The following WWC2 variants were observed in gnomAD, a reference collection of about 807,000 sequenced individuals.
WWC2 encodes the protein protein WWC2.
WWC2 carries 101 observed loss-of-function variants against 138.5 expected under a neutral mutation model. The observed-to-expected ratio is 0.73, with a 90% CI of 0.62 to 0.86. WWC2 has a LOEUF of 0.86. WWC2 is among the 40% of genes least tolerant of loss of function. The probability of loss-of-function intolerance (pLI) is 0.00; values close to 1 mark genes in which losing one functional copy is unlikely to be tolerated. For missense variants in WWC2, 1,420 were observed against 1,419.4 expected (o/e 1.00, Z -0.01); for synonymous variants, 558 against 538.4 (o/e 1.04, Z -0.50).
rs1191216222 is a variant in WWC2 at position 183,248,763 on chromosome 4, G to A, written c.782G>A (p.Arg261Lys). ...TTTCATTTGGATCAGAACATTGGCA[G>A]ATCTGAGCCAGATTTGAGATGTAGT... The part of the protein sequence containing the change: ...ERFHLDQNIG[R>K]SEPDLRCSPV... The change falls in exon 7 of 23, where the codon AGA becomes AAA. Residue 261 changes from arginine (R) to lysine (K), a missense_variant. Transcript: ENST00000403733. 6.2e-7 allele frequency: 1 copy of A among 1,604,336 alleles called. No homozygotes were observed. The highest frequency in any genetic ancestry group is 8.5e-7 in the Non-Finnish European group (1 of 1,175,072).
chr4:183,117,307 G>A (rs1187675998), intron 1 of WWC2, among the ~76,000 whole-genome samples: 1 of 139,788 alleles, frequency 7.2e-6, no homozygotes. Flanking sequence ...TGCAACCTCT[G>A]CCTCCTGGGT....
chr4:183,292,893 A>G (rs748388982), intron 21 of WWC2, among the ~76,000 whole-genome samples: 18 of 152,246 alleles, frequency 1.2e-4, no homozygotes, highest in Admixed American at 7.8e-4. Context: ...ACAGAATCCA[A>G]CACTGTATTA....
chr4:183,137,363 T>C (rs1209602740), intron 1 of WWC2, among the ~76,000 whole-genome samples: 1 of 152,156 alleles, frequency 6.6e-6, no homozygotes, highest in East Asian at 1.9e-4. Flanking sequence ...TAAGCTTTTT[T>C]GTTTTAAAAT....
chr4:183,179,782 T>C (rs545805558), intron 1 of WWC2, among the ~76,000 whole-genome samples: 10 of 152,204 alleles, frequency 6.6e-5, no homozygotes, highest in African/African-American at 2.4e-4. Context: ...CTCTGATAAA[T>C]CTGGACCTCT....
chr4:183,180,501 A>AT (rs1275436569), intron 1 of WWC2, among the ~76,000 whole-genome samples: 3 of 151,478 alleles, frequency 2.0e-5, no homozygotes, highest in African/African-American at 7.3e-5. Context: ...TATTTTATTT[A>AT]TTTTTTGCCT....
At chr4:183,223,460 C>G (rs6855204) in intron 4 of WWC2, among the ~76,000 whole-genome samples, 11,453 of 152,238 alleles carry the variant, frequency 0.075, 1,456 homozygotes, top group African/African-American at 0.26. Flanking sequence ...GAATTATTTT[C>G]ATGACAACTT....
chr4:183,285,632 C>T (rs184785734), intron 19 of WWC2, among the ~76,000 whole-genome samples: 104 of 152,022 alleles, frequency 6.8e-4, no homozygotes, highest in African/African-American at 2.5e-3. Flanking sequence ...TGGTGGCGTG[C>T]GCCTGTAATC....
At chr4:183,157,552 G>C (rs1733841495) in intron 1 of WWC2, among the ~76,000 whole-genome samples, 1 of 152,170 alleles carries the variant, frequency 6.6e-6, no homozygotes, top group African/African-American at 2.4e-5. Flanking sequence ...CCAGGCTGGA[G>C]TGCAGTGGCG....
intron 1 of WWC2, among the ~76,000 whole-genome samples, chr4:183,157,960 G>A (rs1474446749): frequency 6.6e-6 from 1 of 152,046 alleles, no homozygotes; most frequent in African/African-American, 2.4e-5. Flanking sequence ...GTCCCAAGGT[G>A]TATTTTTAAG....
At chr4:183,112,555 C>A (rs1192327440) in intron 1 of WWC2, among the ~76,000 whole-genome samples, 1 of 152,234 alleles carries the variant, frequency 6.6e-6, no homozygotes, top group East Asian at 1.9e-4. Flanking sequence ...TTCATTCATT[C>A]AATCAAACTA....
At chr4:183,310,224 A>T (rs1739165153) in intron 21 of WWC2, among the ~76,000 whole-genome samples, 1 of 152,192 alleles carries the variant, frequency 6.6e-6, no homozygotes, top group South Asian at 2.1e-4. Flanking sequence ...ATGAAGTGTC[A>T]ATATAAGTTC....
rs114701732 is a variant in WWC2 at position 183,250,679 on chromosome 4, T to C, written c.953+686T>C. Among the ~76,000 whole-genome samples the C allele has an allele frequency of 2.5e-3, 388 of 152,320 alleles. 1 individual carries two copies. Among genetic ancestry groups the C allele is most frequent in the Middle Eastern group, 0.01 (3 of 294 alleles). The stretch of plus-strand genomic sequence containing the variant: ...ACTTTTCATAATATAGAACTCCTTA[T>C]TATGAGGGAAAGGATTATACTGATA... On this transcript the variant is annotated intron_variant, in intron 8 of 22. Transcript: ENST00000403733.
chr4:183,155,221 A>AGAGAGAGAGAGAGTGAGAGAGAGT (rs61543148), intron 1 of WWC2, among the ~76,000 whole-genome samples: 10 of 135,280 alleles, frequency 7.4e-5, no homozygotes, highest in African/African-American at 2.8e-4. Context: ...AGAGAGAGAG[A>AGAGAGAGAGAGAGTGAGAGAGAGT]GAGTTAGTTG....
chr4:183,293,146 G>A (rs1156368208), intron 21 of WWC2, among the ~76,000 whole-genome samples: 1 of 152,062 alleles, frequency 6.6e-6, no homozygotes, highest in African/African-American at 2.4e-5. Flanking sequence ...GTAGAGACAG[G>A]GTTTTGCCAT....
At chr4:183,099,697 G>A (rs974833978) in intron 1 of WWC2, 75 bp downstream of exon 1, 1 of 1,160,998 alleles carries the variant, frequency 8.6e-7, no homozygotes, top group Non-Finnish European at 1.1e-6. Context: ...CCGCGCGGGG[G>A]GCTGGGGCGG....
chr4:183,126,933 C>T (rs1050386446), intron 1 of WWC2, among the ~76,000 whole-genome samples: 8 of 148,246 alleles, frequency 5.4e-5, no homozygotes, highest in Non-Finnish European at 4.4e-5. Flanking sequence ...GATAGAGTCT[C>T]ACTGTATTGC....
At chr4:183,150,941 A>T (rs1305221688) in intron 1 of WWC2, among the ~76,000 whole-genome samples, 13 of 152,272 alleles carry the variant, frequency 8.5e-5, no homozygotes, top group Non-Finnish European at 5.9e-5. Context: ...TCTATCATTG[A>T]TGGACATTTG....
At chr4:183,306,920 T>C (rs1345302968) in intron 21 of WWC2, among the ~76,000 whole-genome samples, 1 of 144,148 alleles carries the variant, frequency 6.9e-6, no homozygotes, top group Non-Finnish European at 1.5e-5. Context: ...GTGGATGAAT[T>C]CATTATTATC....
At chr4:183,157,055 A>T (rs903616480) in intron 1 of WWC2, among the ~76,000 whole-genome samples, 1 of 152,124 alleles carries the variant, frequency 6.6e-6, no homozygotes, top group South Asian at 2.1e-4. Flanking sequence ...TATTTATTCA[A>T]ATTGGGCAAG....
Sources: gnomAD v4.1 joint callset for allele counts (sites outside exome capture counted in the v4.1 genomes callset) on GRCh38, gnomAD v4.1.1 for gene constraint, MANE v1.5 for transcripts, NCBI Gene and HGNC (gene_info 2026-07-23, HGNC 2026-07-21) for gene names.